Variants in CLK4 observed in about 807,000 individuals in gnomAD.
The protein encoded by CLK4 is CDC like kinase 4, also known as dual specificity protein kinase CLK4.
A neutral mutation model predicts 64.4 loss-of-function variants in CLK4; 37 were observed. That is an observed-to-expected ratio of 0.57 (90% CI 0.44 to 0.76). The LOEUF is 0.76. Ranked by LOEUF, CLK4 falls within the 30% of genes least tolerant of loss-of-function variation. The pLI, the probability that CLK4 is intolerant of heterozygous loss-of-function variation, is 0.00. For missense variants in CLK4, 457 were observed against 605.1 expected (o/e 0.76, Z 2.57); for synonymous variants, 175 against 191.6 (o/e 0.91, Z 0.72).
Position 178,610,289 on chromosome 5 carries a change from CAA to C in CLK4, c.1052-1833_1052-1832del, listed in dbSNP as rs772706129. 1.4e-4 allele frequency among the ~76,000 whole-genome samples: 19 copies of C among 134,416 alleles called. 1 individual carries two copies. The highest frequency in any genetic ancestry group is 1.4e-3 in the Admixed American group (18 of 13,244). The allele number at this position is 134,416 out of a possible 152,430, so 88.2% of individuals were successfully genotyped here. The stretch of plus-strand genomic sequence containing the variant: ...CGGGTGACAGTGCAAGACTGCGTCT[CAA>C]AAAAAAAAAAAAGTTTTATTTTTCA... On this transcript the variant is annotated intron_variant, in intron 9 of 12. Transcript: ENST00000316308.
Position 178,617,533 on chromosome 5 carries a change from C to T in CLK4, c.385-99G>A. ...GCAATTCATTCAGCGGGGAGATATTCAGGCATTCAGATAAGCACCAGGCCA... is the reference window on the plus strand; with the variant it reads ...GCAATTCATTCAGCGGGGAGATATTTAGGCATTCAGATAAGCACCAGGCCA... On this transcript the variant is annotated intron_variant, in intron 3 of 12. Coordinates refer to ENST00000316308, the MANE Select transcript of CLK4 (RefSeq NM_020666.3). The surrounding 1 kb of genome is among the most constrained non-coding windows in gnomAD (Gnocchi z 5.2). 1 of 1,221,004 alleles carries T rather than the reference C, an allele frequency of 8.2e-7. No homozygotes were observed. Among genetic ancestry groups the T allele is most frequent in the African/African-American group, 1.5e-5 (1 of 66,346 alleles). The allele number at this position is 1,221,004 out of a possible 1,614,324, so 75.6% of individuals were successfully genotyped here.
intron 10 of CLK4, among the ~76,000 whole-genome samples, chr5:178,608,051 G>T (rs1764493016): frequency 2.0e-5 from 3 of 152,060 alleles, no homozygotes; most frequent in African/African-American, 7.2e-5. Context: ...CATATTGATA[G>T]TCAACATAAC....
At chr5:178,626,478 C>G (rs1764781410) in intron 1 of CLK4, among the ~76,000 whole-genome samples, 1 of 152,200 alleles carries the variant, frequency 6.6e-6, no homozygotes, top group East Asian at 1.9e-4. Context: ...CCGGCCAGTG[C>G]CTTTGGCGCA....
intron 2 of CLK4, chr5:178,621,824 T>G (rs1764710655): frequency 6.6e-6 from 1 of 150,470 alleles, no homozygotes; most frequent in Non-Finnish European, 1.5e-5. Context: ...AAACAAAGAT[T>G]TTTTTTTTAA....
At chr5:178,620,259 C>A in intron 2 of CLK4, 1 of 241,134 alleles carries the variant, frequency 4.1e-6, no homozygotes, top group Non-Finnish European at 8.5e-6. Context: ...GGAGAGATCA[C>A]CAATACAATA....
At chr5:178,621,468 T>C (rs1333998485) in intron 2 of CLK4, among the ~76,000 whole-genome samples, 1 of 152,196 alleles carries the variant, frequency 6.6e-6, no homozygotes, top group African/African-American at 2.4e-5. Flanking sequence ...ATGCAATATA[T>C]ATATGACAAA....
At chr5:178,625,966 A>C (rs1010016978) in intron 1 of CLK4, among the ~76,000 whole-genome samples, 1 of 152,262 alleles carries the variant, frequency 6.6e-6, no homozygotes, top group Admixed American at 6.5e-5. Flanking sequence ...TGCCTCTAAT[A>C]AAGCATCCCA....
In CLK4 at chr5:178,614,060, C is replaced by T. The variant is rs966252806; in HGVS notation, c.543-217G>A. Among the ~76,000 whole-genome samples, 16 of 152,112 alleles carry T rather than the reference C, an allele frequency of 1.1e-4. No homozygotes were observed. In the East Asian group the frequency reaches 1.2e-3, roughly 11 times the overall value. On this transcript the variant is annotated intron_variant, in intron 5 of 12. Transcript: ENST00000316308. ...TTCCCTTAATACTTATGAGTTTTAA[C>T]GTTTGCTCCTAGAATTTTAAATTTA...
At chr5:178,614,256 AG>A (rs1261284721) in intron 5 of CLK4, among the ~76,000 whole-genome samples, 2 of 152,268 alleles carry the variant, frequency 1.3e-5, no homozygotes, top group African/African-American at 4.8e-5. Context: ...CGTACTTCAA[AG>A]TCTAATGGAA....
At position 178,617,831 on chromosome 5, in the gene CLK4, T is replaced by C. The variant is rs1581709449; in HGVS notation, c.385-397A>G. The C allele has an allele frequency of 6.5e-6, 1 of 153,704 alleles. No individual in the cohort carries two copies. Among genetic ancestry groups the C allele is most frequent in the African/African-American group, 2.4e-5 (1 of 41,482 alleles). The allele number at this position is 153,704 out of a possible 1,614,324, so 9.5% of individuals were successfully genotyped here. A position where few individuals can be genotyped will look rare whatever the true frequency, so the allele number is the denominator to read the frequency against. Reference sequence around the variant, plus strand: ...AGTTTTTCAGAAAAATGTTTTAAAATGTCAAGACTATTTGAAATTATTCTA... The same window carrying C: ...AGTTTTTCAGAAAAATGTTTTAAAACGTCAAGACTATTTGAAATTATTCTA... On this transcript the variant is annotated intron_variant, in intron 3 of 12. Transcript: ENST00000316308. The surrounding 1 kb of genome is among the most constrained non-coding windows in gnomAD (Gnocchi z 5.2).
intron 1 of CLK4, among the ~76,000 whole-genome samples, chr5:178,623,930 G>A (rs562696339): frequency 9.2e-5 from 14 of 152,274 alleles, no homozygotes; most frequent in African/African-American, 2.9e-4. Context: ...GATTTAAGGA[G>A]AAATAATATC....
At chr5:178,609,400 G>A (rs1385887993) in intron 9 of CLK4, among the ~76,000 whole-genome samples, 2 of 152,148 alleles carry the variant, frequency 1.3e-5, no homozygotes, top group Non-Finnish European at 2.9e-5. Context: ...AATAGAGCAT[G>A]GGCCAGGCGC....
chr5:178,626,428 T>G (rs1764780666), intron 1 of CLK4, among the ~76,000 whole-genome samples: 1 of 152,226 alleles, frequency 6.6e-6, no homozygotes, highest in Non-Finnish European at 1.5e-5. Flanking sequence ...CACCTGGATT[T>G]GCACGGACGC....
chr5:178,619,447 T>C (rs1233265413), intron 2 of CLK4, among the ~76,000 whole-genome samples: 3 of 152,196 alleles, frequency 2.0e-5, no homozygotes, highest in Non-Finnish European at 4.4e-5. Context: ...ATAGAAAACA[T>C]AGCTTTTGAG....
At chr5:178,609,605 A>G (rs1356917783) in intron 9 of CLK4, among the ~76,000 whole-genome samples, 1 of 151,536 alleles carries the variant, frequency 6.6e-6, no homozygotes, top group East Asian at 1.9e-4. Context: ...ATGGCTTGAA[A>G]CCGGAAGGCA....
At chr5:178,613,010 T>C (rs1764578220) in intron 7 of CLK4, 120 bp from the exon 8 acceptor site, 3 of 523,724 alleles carry the variant, frequency 5.7e-6, no homozygotes, top group Non-Finnish European at 6.9e-6. Flanking sequence ...ACTTGTAAAA[T>C]GTCTGTTTTT....
intron 5 of CLK4, among the ~76,000 whole-genome samples, chr5:178,615,695 A>G (rs976802198): frequency 2.0e-5 from 3 of 152,222 alleles, no homozygotes; most frequent in Non-Finnish European, 1.5e-5. Context: ...TATTTACAAC[A>G]GGTTGGAAAT....
intron 5 of CLK4, 75 bp from the exon 6 acceptor site, chr5:178,613,918 G>A (rs560842): frequency 0.9 from 938,027 of 1,042,748 alleles, 422,438 homozygotes; most frequent in East Asian, 1. Flanking sequence ...CTAAAGCATA[G>A]TCTTAATTAC....
intron 5 of CLK4, among the ~76,000 whole-genome samples, chr5:178,615,506 G>A (rs1297191436): frequency 6.6e-6 from 1 of 152,184 alleles, no homozygotes; most frequent in Non-Finnish European, 1.5e-5. Context: ...AAAGCAAAAT[G>A]TGGGGATAAT....
Sources: allele counts gnomAD v4.1 joint callset (sites outside exome capture counted in the v4.1 genomes callset), GRCh38; gene constraint gnomAD v4.1.1; non-coding constraint Gnocchi (gnomAD v3.1); transcripts MANE v1.5; gene names NCBI Gene and HGNC (gene_info 2026-07-23, HGNC 2026-07-21).